DNHD1: variants seen among roughly 807,000 people sequenced by gnomAD.
DNHD1 encodes the protein dynein heavy chain domain 1, also known as dynein heavy chain domain-containing protein 1.
In DNHD1, 383 loss-of-function variants were observed where a neutral mutation model predicts 458.1. That is an observed-to-expected ratio of 0.84 (90% CI 0.77 to 0.91). The LOEUF is 0.91. Ranked by LOEUF, DNHD1 falls within the 40% of genes least tolerant of loss-of-function variation. The pLI is 0.00. For missense variants in DNHD1, 5,336 were observed against 5,866.1 expected (o/e 0.91, Z 2.95); for synonymous variants, 2,203 against 2,376.9 (o/e 0.93, Z 2.13).
Position 6,508,958 on chromosome 11 carries a change from T to G in DNHD1, c.999T>G (p.His333Gln). 1 of 1,614,238 alleles carries G rather than the reference T, an allele frequency of 6.2e-7. No individual in the cohort carries two copies. Among genetic ancestry groups the G allele is most frequent in the Non-Finnish European group, 8.5e-7 (1 of 1,180,040 alleles). ...HYIFSPFGIL[H>Q]VHPVEGSETM... ...TCTTCTCTCCCTTTGGGATCTTGCA[T>G]GTACATCCTGTGGAAGGTAGCGAGA... is the stretch of plus-strand genomic sequence containing the variant. Residue 333 changes from histidine to glutamine, a missense_variant, in exon 5 of 43, where the codon CAT (histidine) becomes CAG (glutamine). Around this residue, in one of 4 missense-constraint regions of DNHD1, gnomAD observed 3,932 missense variants for 4,365.6 expected, o/e 0.90. Transcript: ENST00000254579.
At chr11:6,512,469 A>T (rs368384537) in intron 7 of DNHD1, among the ~76,000 whole-genome samples, 9 of 151,354 alleles carry the variant, frequency 5.9e-5, no homozygotes, top group East Asian at 1.9e-4. Context: ...TGATCCGCCC[A>T]CCTCGGCCTC....
chr11:6,517,652 CTTTTTTTTTTTTTTTTT>C (rs59300977), intron 7 of DNHD1, among the ~76,000 whole-genome samples: 14 of 59,064 alleles, frequency 2.4e-4, no homozygotes, highest in South Asian at 1.9e-3. Flanking sequence ...TCTAGGACTT[CTTTTTTTTTTTTTTTTT>C]TTTTTTTTTT....
At chr11:6,555,862 A>G (rs1490233079) in intron 24 of DNHD1, among the ~76,000 whole-genome samples, 1 of 152,232 alleles carries the variant, frequency 6.6e-6, no homozygotes, top group Non-Finnish European at 1.5e-5. Flanking sequence ...AATGTTCTAA[A>G]TATCATTGGG....
chr11:6,533,262 C>A, intron 13 of DNHD1, 78 bp downstream of exon 13: 1 of 1,394,124 alleles, frequency 7.2e-7, no homozygotes, highest in Non-Finnish European at 9.8e-7. Context: ...CTCTTCAGGT[C>A]TCTGCTGAGC....
rs953479491 is a variant in DNHD1 at position 6,554,383 on chromosome 11, T to A, written c.7388-2300T>A. Among the ~76,000 whole-genome samples the A allele has an allele frequency of 1.4e-4, 21 of 151,960 alleles. 1 individual carries two copies. The highest frequency in any genetic ancestry group is 1.4e-3 in the Admixed American group (21 of 15,238). On this transcript the variant is annotated intron_variant, in intron 24 of 42. Coordinates refer to ENST00000254579, the MANE Select transcript of DNHD1 (RefSeq NM_144666.3). ...AAACTATAAAATTTTTAGAAAAAAA[T>A]TGGAGAAAAATCTGTGTGACCTTGG...
In DNHD1 at chr11:6,567,379, T is replaced by A; in HGVS notation, c.11870T>A (p.Leu3957His). ...GCATCAGAGCTGGAAAGACTGGCAC[T>A]CTGGCCTGGACTAGCAGCCTCTCCC... ...GKASELERLA[L>H]WPGLAASPST... Residue 3957 changes from leucine (L) to histidine (H), a missense_variant, in exon 36 of 43, where the codon CTC becomes CAC. Around this residue, in one of 4 missense-constraint regions of DNHD1, gnomAD observed 695 missense variants for 804.2 expected, o/e 0.86. Transcript: ENST00000254579. 1 of 1,613,902 alleles carries A rather than the reference T, an allele frequency of 6.2e-7. No homozygotes were observed.
rs185461009 is a variant in DNHD1 at position 6,513,736 on chromosome 11, T to G, written c.1392+2307T>G. Among the ~76,000 whole-genome samples the G allele has an allele frequency of 6.0e-3, 908 of 152,296 alleles. 14 individuals carry two copies. Among genetic ancestry groups the G allele is most frequent in the African/African-American group, 0.021 (857 of 41,556 alleles). ...TTTTTTGGGATATATATGCCAGGAG[T>G]GGAACTGCTAGAATAGAATATATGT... is the stretch of plus-strand genomic sequence containing the variant. On this transcript the variant is annotated intron_variant, in intron 7 of 42. Coordinates refer to ENST00000254579, the MANE Select transcript of DNHD1 (RefSeq NM_144666.3).
intron 10 of DNHD1, 66 bp downstream of exon 10, chr11:6,520,355 G>C (rs1035113216): frequency 9.0e-6 from 14 of 1,550,684 alleles, no homozygotes; most frequent in Non-Finnish European, 1.1e-5. Context: ...AGTACTAATG[G>C]CATGGGAAGA....
intron 3 of DNHD1, among the ~76,000 whole-genome samples, chr11:6,502,037 C>A (rs962730815): frequency 6.6e-6 from 1 of 152,150 alleles, no homozygotes; most frequent in Admixed American, 6.5e-5. Flanking sequence ...TAAGTTAAAT[C>A]ATTCCAGAGT....
At chr11:6,555,787 T>C (rs566406082) in intron 24 of DNHD1, among the ~76,000 whole-genome samples, 4 of 152,242 alleles carry the variant, frequency 2.6e-5, no homozygotes, top group Non-Finnish European at 4.4e-5. Flanking sequence ...ACAATGCCTG[T>C]GATGGTGGTG....
intron 4 of DNHD1, among the ~76,000 whole-genome samples, chr11:6,507,792 C>G (rs928238045): frequency 6.6e-6 from 1 of 152,214 alleles, no homozygotes; most frequent in Non-Finnish European, 1.5e-5. Flanking sequence ...TTGGGCAAAG[C>G]TTTAACTTCT....
At chr11:6,528,440 C>A (rs1388729529) in intron 10 of DNHD1, 82 bp from the exon 11 acceptor site, 3 of 1,293,686 alleles carry the variant, frequency 2.3e-6, no homozygotes, top group Non-Finnish European at 2.1e-6. Context: ...TGTGTGTACA[C>A]ACACTGAGGG....
chr11:6,555,216 C>T (rs537777093), intron 24 of DNHD1, among the ~76,000 whole-genome samples: 2,073 of 87,486 alleles, frequency 0.024, 17 homozygotes, highest in Middle Eastern at 0.071. Context: ...CTCTGTCTCT[C>T]TCTCTGTCTC....
chr11:6,503,135 C>T (rs1852170803), intron 4 of DNHD1: 1 of 532,226 alleles, frequency 1.9e-6, no homozygotes, highest in South Asian at 3.0e-5. Context: ...CTGTTGCTTA[C>T]ACAGCCTTTT....
chr11:6,545,628 T>A lies in DNHD1; in HGVS notation c.4689T>A (p.Pro1563=). 6.4e-7 allele frequency: 1 copy of A among 1,551,832 alleles called. No individual in the cohort carries two copies. The highest frequency in any genetic ancestry group is 8.7e-7 in the Non-Finnish European group (1 of 1,147,016). Reference sequence around the variant, plus strand: ...CTTCCCAAGGTGGGCAGTCCCTGCCTTCTGTCCGCCAGACCAGCCTTCTCA... The same window carrying A: ...CTTCCCAAGGTGGGCAGTCCCTGCCATCTGTCCGCCAGACCAGCCTTCTCA... The part of the protein sequence containing the change: ...QRASQGGQSL[P]SVRQTSLLSA... Residue 1563 remains proline (P), a synonymous_variant, in exon 21 of 43, where the codon CCT becomes CCA. Transcript: ENST00000254579. The surrounding 1 kb of genome is among the most constrained non-coding windows in gnomAD (Gnocchi z 4.9).
rs1852075920 is a variant in DNHD1 at position 6,498,485 on chromosome 11, A to G, written c.270A>G (p.Leu90=). ...GCTATCTTCATGCAGTACTGGGTCT[A>G]CTGCCTCCATATCGTGAGTTGCTAG... is the stretch of plus-strand genomic sequence containing the variant. ...AWRYLHAVLG[L]LPPYRELLVG... is the part of the protein sequence containing the mutation. Residue 90 remains leucine, a synonymous_variant, in exon 3 of 43, where the codon CTA becomes CTG. Coordinates refer to ENST00000254579, the MANE Select transcript of DNHD1 (RefSeq NM_144666.3). 1 of 1,614,062 alleles carries G rather than the reference A, an allele frequency of 6.2e-7. No individual in the cohort carries two copies. The highest frequency in any genetic ancestry group is 1.3e-5 in the African/African-American group (1 of 74,916).
At chr11:6,524,810 C>T (rs1434252627) in intron 10 of DNHD1, among the ~76,000 whole-genome samples, 2 of 152,146 alleles carry the variant, frequency 1.3e-5, no homozygotes, top group Admixed American at 6.5e-5. Context: ...CTCAAAACTA[C>T]GTACGCACCT....
In DNHD1 at chr11:6,563,126, G is replaced by A. The variant is rs1564822316; in HGVS notation, c.9664G>A (p.Glu3222Lys). The A allele has an allele frequency of 6.4e-7, 1 of 1,551,648 alleles. No individual in the cohort carries two copies. The highest frequency in any genetic ancestry group is 8.7e-7 in the Non-Finnish European group (1 of 1,146,974). Residue 3222 changes from glutamate (E) to lysine (K), a missense_variant, in exon 29 of 43, where the codon GAG (glutamate) becomes AAG (lysine). By Grantham distance (56) the Glu-to-Lys change is moderately conservative. This residue lies in a region of DNHD1 where 3,932 missense variants were observed against 4,365.6 expected (regional missense o/e 0.90). Coordinates refer to ENST00000254579, the MANE Select transcript of DNHD1 (RefSeq NM_144666.3). Reference sequence around the variant, plus strand: ...GCAAGCTCAGCGAGAGGCTTTCCTGGAGCAGGTGGGCTCTTCCTGCCGCCT... The same window carrying A: ...GCAAGCTCAGCGAGAGGCTTTCCTGAAGCAGGTGGGCTCTTCCTGCCGCCT... ...ALQAQREAFL[E>K]QMSKAFLEPL...
intron 41 of DNHD1, 57 bp downstream of exon 41, chr11:6,570,453 C>CT (rs1298533280): frequency 1.3e-5 from 20 of 1,530,416 alleles, no homozygotes; most frequent in Non-Finnish European, 1.6e-5. Context: ...GCAATGCCAC[C>CT]CCCCACAGAA....
Sources: gnomAD v4.1 joint callset for allele counts (sites outside exome capture counted in the v4.1 genomes callset) on GRCh38, gnomAD v4.1.1 for gene constraint, gnomAD v4.1.1 regional missense constraint, Gnocchi (gnomAD v3.1) non-coding constraint, MANE v1.5 for transcripts, NCBI Gene and HGNC (gene_info 2026-07-23, HGNC 2026-07-21) for gene names.